Variants in CFAP43 observed in about 807,000 individuals in gnomAD.
CFAP43 encodes cilia and flagella associated protein 43.
CFAP43 carries 155 observed loss-of-function variants against 218.9 expected under a neutral mutation model. That is an observed-to-expected ratio of 0.71 (90% CI 0.62 to 0.81). The LOEUF (loss-of-function observed/expected upper bound fraction) is 0.81. CFAP43 is among the 30% of genes least tolerant of loss of function. The pLI, the probability that CFAP43 is intolerant of heterozygous loss-of-function variation, is 0.00. For synonymous variants in CFAP43, 645 were observed against 681.3 expected (o/e 0.95, Z 0.83); for missense variants, 1,778 against 1,954.3 (o/e 0.91, Z 1.70).
intron 2 of CFAP43, among the ~76,000 whole-genome samples, chr10:104,229,024 A>G (rs1164464482): frequency 1.3e-5 from 2 of 152,186 alleles, no homozygotes; most frequent in Non-Finnish European, 2.9e-5. Flanking sequence ...CTAACTTTCA[A>G]TTGGTTCAAA....
At position 104,143,568 on chromosome 10, in the gene CFAP43, T is replaced by G; in HGVS notation, c.4016A>C (p.Lys1339Thr). The G allele has an allele frequency of 6.2e-7, 1 of 1,614,216 alleles. No homozygotes were observed. The highest frequency in any genetic ancestry group is 8.5e-7 in the Non-Finnish European group (1 of 1,180,030). Residue 1339 changes from lysine to threonine, a missense_variant, in exon 32 of 38, where the codon AAG becomes ACG. Around this residue, in one of 3 missense-constraint regions of CFAP43, gnomAD observed 1,553 missense variants for 1,685.2 expected, o/e 0.92. Transcript: ENST00000357060. ...CTGGGCAAAGGCATCCTTATTCAAC[T>G]TGCCAGATCCTGGTAGTTCTCCGAA... is the stretch of plus-strand genomic sequence containing the variant. The part of the protein sequence containing the change: ...VPFGELPGSG[K>T]LNKDAFAQLM...
chr10:104,193,736 G>T (rs1286514659), intron 11 of CFAP43, 130 bp downstream of exon 11: 9 of 1,253,084 alleles, frequency 7.2e-6, no homozygotes, highest in Non-Finnish European at 9.7e-6. Flanking sequence ...GTGTTGAACT[G>T]TGTGAATATA....
At chr10:104,213,395 TTC>T (rs2090920257) in intron 4 of CFAP43, among the ~76,000 whole-genome samples, 1 of 152,178 alleles carries the variant, frequency 6.6e-6, no homozygotes, top group Admixed American at 6.5e-5. Flanking sequence ...TCCGAGCTCT[TTC>T]TCAACAAAAG....
intron 19 of CFAP43, among the ~76,000 whole-genome samples, chr10:104,176,079 G>T (rs2089620152): frequency 6.6e-6 from 1 of 152,002 alleles, no homozygotes; most frequent in Admixed American, 6.6e-5. Flanking sequence ...TTAAAGAAGG[G>T]CAAAAGGAGA....
intron 31 of CFAP43, among the ~76,000 whole-genome samples, chr10:104,144,470 G>A (rs1365763735): frequency 2.0e-5 from 3 of 152,158 alleles, no homozygotes; most frequent in African/African-American, 7.2e-5. Context: ...TCAACATGGT[G>A]AAACTCCGTC....
At chr10:104,201,515 G>A (rs1002237308) in intron 8 of CFAP43, among the ~76,000 whole-genome samples, 11 of 151,782 alleles carry the variant, frequency 7.2e-5, no homozygotes, top group Non-Finnish European at 1.3e-4. Flanking sequence ...TGTAACATGT[G>A]TACCTAATTT....
intron 2 of CFAP43, among the ~76,000 whole-genome samples, chr10:104,227,338 TCAAA>T (rs1206972861): frequency 6.6e-6 from 1 of 152,144 alleles, no homozygotes; most frequent in African/African-American, 2.4e-5. Context: ...GTATACTGGG[TCAAA>T]TAGAGTCAAT....
intron 3 of CFAP43, among the ~76,000 whole-genome samples, chr10:104,222,411 T>C (rs768738623): frequency 2.0e-5 from 3 of 152,138 alleles, no homozygotes; most frequent in Non-Finnish European, 4.4e-5. Flanking sequence ...TCCCAAAGCT[T>C]CTCATCTTGG....
rs925590763 is a variant in CFAP43 at position 104,147,896 on chromosome 10, C to T, written c.3763G>A (p.Glu1255Lys). The stretch of plus-strand genomic sequence containing the variant: ...ATTTCAGACACTATTCTTACTTTCT[C>T]GTGCTGTTTCCTTGTAAGGTAGTTG... ...LNNYLTRKQH[E>K]KSQTSEAVRK... Residue 1255 changes from glutamate (E) to lysine (K), a missense_variant, in exon 29 of 38, where the codon GAG becomes AAG. Glu to Lys is a moderately conservative substitution (Grantham distance 56). Coordinates refer to ENST00000357060, the MANE Select transcript of CFAP43 (RefSeq NM_025145.7). 10 of 1,584,924 alleles carry T rather than the reference C, an allele frequency of 6.3e-6. No individual in the cohort carries two copies. Among genetic ancestry groups the T allele is most frequent in the Middle Eastern group, 1.7e-4 (1 of 5,926 alleles).
rs1036828208 is a variant in CFAP43, at chr10:104,232,332, G to A, written c.-86C>T. On this transcript the variant is annotated 5_prime_UTR_variant, in exon 1 of 38. Transcript: ENST00000357060. Reference sequence around the variant, plus strand: ...TACCTTTCCGCCGCCGCGGGGCTGCGGGCCGCGACGCCGCTGCTGTGTACA... The same window carrying A: ...TACCTTTCCGCCGCCGCGGGGCTGCAGGCCGCGACGCCGCTGCTGTGTACA... 5 of 1,335,300 alleles carry A rather than the reference G, an allele frequency of 3.7e-6. No homozygotes were observed. The highest frequency in any genetic ancestry group is 1.5e-5 in the African/African-American group (1 of 66,480). 82.7% of individuals were successfully genotyped at this position (1,335,300 alleles called of 1,614,324 possible).
At chr10:104,131,005 A>AG (rs2087159052) in intron 37 of CFAP43, among the ~76,000 whole-genome samples, 1 of 145,398 alleles carries the variant, frequency 6.9e-6, no homozygotes, top group Admixed American at 6.7e-5. Flanking sequence ...TCTCAAAAAA[A>AG]AAAAAAAAAA....
chr10:104,175,241 T>C (rs1299691999), intron 19 of CFAP43, among the ~76,000 whole-genome samples: 1 of 152,052 alleles, frequency 6.6e-6, no homozygotes, highest in Non-Finnish European at 1.5e-5. Context: ...CTGGGCATCA[T>C]AGGGAGACCC....
intron 26 of CFAP43, 22 bp from the exon 27 acceptor site, chr10:104,161,184 T>C (rs1202765574): frequency 3.1e-6 from 5 of 1,609,476 alleles, no homozygotes; most frequent in Middle Eastern, 1.6e-4. Flanking sequence ...AAGAAAAGCA[T>C]ATATTTCAGC....
chr10:104,206,162 GTAAC>G, intron 6 of CFAP43, 132 bp from the exon 7 acceptor site: 10 of 680,330 alleles, frequency 1.5e-5, no homozygotes, highest in Non-Finnish European at 2.5e-6. Context: ...TCAGATCTAT[GTAAC>G]TAACATAGAT....
chr10:104,232,294 A>G lies in CFAP43; in HGVS notation c.-48T>C. 1 of 1,519,182 alleles carries G rather than the reference A, an allele frequency of 6.6e-7. No individual in the cohort carries two copies. Among genetic ancestry groups the G allele is most frequent in the Non-Finnish European group, 8.8e-7 (1 of 1,136,140 alleles). 94.1% of individuals were successfully genotyped at this position (1,519,182 alleles called of 1,614,324 possible). On this transcript the variant is annotated 5_prime_UTR_variant, in exon 1 of 38. Transcript: ENST00000357060. ...GAGCAGGCAGCGCACGCAGCACCCC[A>G]GGGCGGGTCGGTTACCTTTCCGCCG...
intron 8 of CFAP43, chr10:104,203,301 G>T (rs574715010): frequency 1.4e-5 from 3 of 208,818 alleles, no homozygotes; most frequent in Admixed American, 1.2e-4. Flanking sequence ...TTCCACCAGG[G>T]ACATCAAGCA....
In CFAP43 at chr10:104,140,871, T is replaced by C. The variant is rs750109033; in HGVS notation, c.4402A>G (p.Ile1468Val). The C allele has an allele frequency of 1.2e-6, 2 of 1,606,996 alleles. No homozygotes were observed. Among genetic ancestry groups the C allele is most frequent in the Admixed American group, 1.7e-5 (1 of 57,990 alleles). ...ATCACAGAATTCAAGTCTTCAATTA[T>C]GTTCTTGTTGATGAGAATTGCATCA... The part of the protein sequence containing the change: ...YSDAILINKN[I>V]IEDLNSVIRT... Residue 1468 changes from isoleucine to valine, a missense_variant, in exon 34 of 38, where the codon ATA becomes GTA. By Grantham distance (29) the Ile-to-Val change is conservative. This residue lies in a region of CFAP43 where 211 missense variants were observed against 230.6 expected (regional missense o/e 0.91). Coordinates refer to ENST00000357060, the MANE Select transcript of CFAP43 (RefSeq NM_025145.7).
chr10:104,227,518 T>C (rs909879708), intron 2 of CFAP43, among the ~76,000 whole-genome samples: 10 of 152,204 alleles, frequency 6.6e-5, no homozygotes, highest in African/African-American at 2.4e-4. Flanking sequence ...TTAAAACAAA[T>C]CTTGAGATGA....
intron 27 of CFAP43, among the ~76,000 whole-genome samples, chr10:104,157,843 T>C (rs1589663389): frequency 6.7e-6 from 1 of 150,074 alleles, no homozygotes; most frequent in African/African-American, 2.5e-5. Flanking sequence ...AGAACACATC[T>C]GGTATCCAGA....
Sources: allele counts gnomAD v4.1 joint callset (sites outside exome capture counted in the v4.1 genomes callset), GRCh38; gene constraint gnomAD v4.1.1; regional missense constraint gnomAD v4.1.1; transcripts MANE v1.5; gene names NCBI Gene and HGNC (gene_info 2026-07-23, HGNC 2026-07-21).